The following NRXN3 variants were observed in gnomAD, a reference collection of about 807,000 sequenced individuals.
NRXN3 encodes neurexin 3, also known as neurexin III.
Under a neutral mutation model 137.6 loss-of-function variants are expected in NRXN3, and 32 were observed. The observed-to-expected ratio is 0.23, with a 90% CI of 0.18 to 0.31. The LOEUF is 0.31. Ranked by LOEUF, NRXN3 falls within the 10% of genes least tolerant of loss-of-function variation. The pLI, the probability that NRXN3 is intolerant of heterozygous loss-of-function variation, is 1.00. For missense variants in NRXN3, 1,574 were observed against 2,062.5 expected (o/e 0.76, Z 4.59); for synonymous variants, 798 against 784.5 (o/e 1.02, Z -0.29).
intron 16 of NRXN3, among the ~76,000 whole-genome samples, chr14:79,499,956 C>CGTGT (rs35371414): frequency 0.25 from 36,503 of 145,012 alleles, 4,858 homozygotes; most frequent in Middle Eastern, 0.34. Flanking sequence ...ATCTTAGGGT[C>CGTGT]GTGTGTGTGT....
At chr14:79,750,341 T>A (rs1353819698) in intron 19 of NRXN3, among the ~76,000 whole-genome samples, 1 of 152,168 alleles carries the variant, frequency 6.6e-6, no homozygotes, top group Non-Finnish European at 1.5e-5. Flanking sequence ...TTTTACTGGT[T>A]AGCATTTTTT....
Position 78,210,537 on chromosome 14 carries a change from A to G in NRXN3, c.-703-31854A>G, listed in dbSNP as rs188604270. ...TTGTTTGAGGTGTAAGCCATGTACA[A>G]TAAAGTACCTCAATTTTCTAAGTGT... On this transcript the variant is annotated intron_variant, in intron 1 of 20. Transcript: ENST00000335750. 8.0e-4 allele frequency among the ~76,000 whole-genome samples: 122 copies of G among 152,312 alleles called. 1 individual carries two copies. Among genetic ancestry groups the G allele is most frequent in the Admixed American group, 3.2e-3 (49 of 15,302 alleles).
chr14:79,020,530 G>T (rs558191832), intron 15 of NRXN3, among the ~76,000 whole-genome samples: 159 of 150,990 alleles, frequency 1.1e-3, no homozygotes, highest in African/African-American at 3.7e-3. Context: ...CTCCCAAAGT[G>T]CTGGGATTAC....
chr14:78,927,405 T>C (rs922535633), intron 10 of NRXN3, among the ~76,000 whole-genome samples: 1 of 151,902 alleles, frequency 6.6e-6, no homozygotes, highest in African/African-American at 2.4e-5. Flanking sequence ...GGAGGGAATG[T>C]TTTTCCTGCA....
intron 16 of NRXN3, among the ~76,000 whole-genome samples, chr14:79,560,509 T>TTTTTTTTTTTTTC (rs2097483805): frequency 1.1e-5 from 1 of 93,102 alleles, no homozygotes; most frequent in African/African-American, 4.2e-5. Flanking sequence ...GTAAGCTTTT[T>TTTTTTTTTTTTTC]TTTTTTTTTT....
chr14:79,154,936 A>C (rs754341454), intron 15 of NRXN3, among the ~76,000 whole-genome samples: 1 of 151,888 alleles, frequency 6.6e-6, no homozygotes, highest in Non-Finnish European at 1.5e-5. Flanking sequence ...AGAATCTTAA[A>C]CTTCTGAACA....
chr14:78,494,795 C>G (rs925343073), intron 4 of NRXN3, among the ~76,000 whole-genome samples: 1 of 152,136 alleles, frequency 6.6e-6, no homozygotes, highest in Admixed American at 6.6e-5. Flanking sequence ...TTAACACAGA[C>G]TTTTTGTTGT....
At chr14:78,679,085 C>T (rs879515401) in intron 6 of NRXN3, among the ~76,000 whole-genome samples, 3 of 152,154 alleles carry the variant, frequency 2.0e-5, no homozygotes, top group Non-Finnish European at 2.9e-5. Flanking sequence ...ATGATTACTG[C>T]AGCAACAGGA....
intron 15 of NRXN3, among the ~76,000 whole-genome samples, chr14:79,235,572 C>T (rs2073218189): frequency 6.6e-6 from 1 of 152,166 alleles, no homozygotes; most frequent in Admixed American, 6.5e-5. Context: ...TTGCACTTGC[C>T]TTCCTGTCAC....
At chr14:78,223,985 C>G (rs546745948) in intron 1 of NRXN3, among the ~76,000 whole-genome samples, 3 of 152,264 alleles carry the variant, frequency 2.0e-5, no homozygotes, top group South Asian at 2.1e-4. Flanking sequence ...CCGGGCCCCT[C>G]TCCTATCTAC....
chr14:78,856,530 A>C (rs2099057523), intron 10 of NRXN3, among the ~76,000 whole-genome samples: 1 of 152,166 alleles, frequency 6.6e-6, no homozygotes, highest in African/African-American at 2.4e-5. Flanking sequence ...AAGTAAGATC[A>C]TTGATGTGTG....
At chr14:78,922,599 C>G (rs948724687) in intron 10 of NRXN3, among the ~76,000 whole-genome samples, 17 of 152,076 alleles carry the variant, frequency 1.1e-4, no homozygotes, top group African/African-American at 3.6e-4. Flanking sequence ...TCTTCAGGAA[C>G]AGAAAACCAA....
In NRXN3 at chr14:78,532,190, A is replaced by T. The variant is rs907700599; in HGVS notation, c.758-112930A>T. On this transcript the variant is annotated intron_variant, in intron 4 of 20. Coordinates refer to ENST00000335750, the MANE Select transcript of NRXN3 (RefSeq NM_001330195.2). ...AATAGCCAAGTGCGCGCGTGGTGGC[A>T]CATGCCTGTAATCCCAGCTACTCGG... 6.0e-5 allele frequency among the ~76,000 whole-genome samples: 9 copies of T among 149,982 alleles called. 1 individual carries two copies. Among genetic ancestry groups the T allele is most frequent in the Admixed American group, 4.0e-4 (6 of 15,024 alleles).
At position 79,733,606 on chromosome 14, in the gene NRXN3, C is replaced by T. The variant is rs185016373; in HGVS notation, c.4014+35669C>T. Among the ~76,000 whole-genome samples the T allele has an allele frequency of 1.5e-3, 226 of 151,768 alleles. 1 individual carries two copies. The highest frequency in any genetic ancestry group is 5.2e-3 in the African/African-American group (216 of 41,370). ...AACTGCAGGAAAATGCTGAATTCAC[C>T]GATTGCTATCTTGACACAATGAAGG... On this transcript the variant is annotated intron_variant, in intron 19 of 20. Coordinates refer to ENST00000335750, the MANE Select transcript of NRXN3 (RefSeq NM_001330195.2).
intron 15 of NRXN3, among the ~76,000 whole-genome samples, chr14:79,307,997 G>T (rs2086419562): frequency 6.6e-6 from 1 of 151,942 alleles, no homozygotes; most frequent in African/African-American, 2.4e-5. Context: ...GTTTATAAAT[G>T]GTGATCTTGT....
intron 4 of NRXN3, among the ~76,000 whole-genome samples, chr14:78,585,829 A>G (rs1349643207): frequency 6.6e-6 from 1 of 152,098 alleles, no homozygotes; most frequent in Non-Finnish European, 1.5e-5. Context: ...TCTAGGAGAC[A>G]CTCTAGTAGA....
At chr14:78,781,070 A>T (rs2098767567) in intron 8 of NRXN3, among the ~76,000 whole-genome samples, 1 of 152,232 alleles carries the variant, frequency 6.6e-6, no homozygotes, top group Non-Finnish European at 1.5e-5. Context: ...ATATAATATA[A>T]TAACATCCAA....
chr14:79,192,481 A>C (rs893262268), intron 15 of NRXN3, among the ~76,000 whole-genome samples: 1 of 152,206 alleles, frequency 6.6e-6, no homozygotes, highest in African/African-American at 2.4e-5. Flanking sequence ...TATTTTAGGC[A>C]TATTTTCCAG....
intron 16 of NRXN3, among the ~76,000 whole-genome samples, chr14:79,540,799 G>A (rs1341871806): frequency 6.6e-6 from 1 of 152,162 alleles, no homozygotes; most frequent in Non-Finnish European, 1.5e-5. Flanking sequence ...AAACATTTCT[G>A]GCTAAGAGGT....
Sources: allele counts gnomAD v4.1 joint callset (sites outside exome capture counted in the v4.1 genomes callset), GRCh38; gene constraint gnomAD v4.1.1; transcripts MANE v1.5; gene names NCBI Gene and HGNC (gene_info 2026-07-23, HGNC 2026-07-21).